Variants in TNR observed in about 807,000 individuals in gnomAD.
TNR encodes the protein tenascin R, also known as tenascin-R.
TNR carries 45 observed loss-of-function variants against 150.4 expected under a neutral mutation model. The observed-to-expected ratio is 0.30, with a 90% CI of 0.24 to 0.38. The LOEUF (loss-of-function observed/expected upper bound fraction) is 0.38, where lower values mean the gene tolerates loss of function less well. Ranked by LOEUF, TNR falls within the 10% of genes least tolerant of loss-of-function variation. The pLI is 1.00. For missense variants in TNR, 1,544 were observed against 1,759.1 expected (o/e 0.88, Z 2.19); for synonymous variants, 687 against 678.4 (o/e 1.01, Z -0.20).
chr1:175,362,078 G>T (rs963645086), intron 14 of TNR, among the ~76,000 whole-genome samples: 1 of 152,212 alleles, frequency 6.6e-6, no homozygotes, highest in African/African-American at 2.4e-5. Flanking sequence ...TGACTAGGGG[G>T]CCTGTCAGAG....
At chr1:175,634,229 G>A (rs992652281) in intron 1 of TNR, among the ~76,000 whole-genome samples, 1 of 152,164 alleles carries the variant, frequency 6.6e-6, no homozygotes, top group Admixed American at 6.5e-5. Context: ...CAGTTCCCCT[G>A]AATGATTGTC....
chr1:175,473,859 T>C (rs1657406710), intron 2 of TNR, among the ~76,000 whole-genome samples: 1 of 152,168 alleles, frequency 6.6e-6, no homozygotes, highest in Non-Finnish European at 1.5e-5. Flanking sequence ...GTCAGGTCTT[T>C]GTAATAAAAA....
chr1:175,515,830 A>C (rs188457524), intron 2 of TNR, among the ~76,000 whole-genome samples: 353 of 152,298 alleles, frequency 2.3e-3, no homozygotes, highest in Non-Finnish European at 3.9e-3. Context: ...CTTTTTAAGG[A>C]AAGACTCACC....
At chr1:175,589,535 G>T (rs1328242072) in intron 1 of TNR, among the ~76,000 whole-genome samples, 1 of 152,014 alleles carries the variant, frequency 6.6e-6, no homozygotes, top group Admixed American at 6.6e-5. Flanking sequence ...AAAAATTAAT[G>T]CAAAAAGTAT....
chr1:175,338,992 A>G (rs2101993263), intron 18 of TNR, among the ~76,000 whole-genome samples: 1 of 152,384 alleles, frequency 6.6e-6, no homozygotes, highest in African/African-American at 2.4e-5. Context: ...TGCCTACTGC[A>G]GGCATGGTTA....
Position 175,330,231 on chromosome 1 carries a change from C to T in TNR, c.3636G>A (p.Leu1212=). Residue 1212 remains leucine, a synonymous_variant, in exon 21 of 23, where the codon CTG becomes CTA. Transcript: ENST00000367674. ...GGGATGTGATCCTGTGTATATTGTC[C>T]AGCCCTGTGGAGAAGAGCAGAAAAT... ...GNVEDEFWLG[L]DNIHRITSQG... is the part of the protein sequence containing the mutation. The T allele has an allele frequency of 6.4e-7, 1 of 1,568,350 alleles. No individual in the cohort carries two copies.
chr1:175,478,485 C>T lies in TNR; in HGVS notation c.-64+49784G>A, dbSNP rs560175847. Among the ~76,000 whole-genome samples, 5 of 152,278 alleles carry T rather than the reference C, an allele frequency of 3.3e-5. No individual in the cohort carries two copies. In the South Asian group the frequency reaches 1.0e-3, roughly 32 times the overall value. On this transcript the variant is annotated intron_variant, in intron 2 of 22. Transcript: ENST00000367674. ...TCTGTCTGATTATGTGCTTTGTAAACATTCAATCACCTTTGAGGTGTGGTT... is the reference window on the plus strand; with the variant it reads ...TCTGTCTGATTATGTGCTTTGTAAATATTCAATCACCTTTGAGGTGTGGTT...
Position 175,353,885 on chromosome 1 carries a change from A to G in TNR, c.3382+506T>C, listed in dbSNP as rs533296342. On this transcript the variant is annotated intron_variant, in intron 18 of 22. Coordinates refer to ENST00000367674, the MANE Select transcript of TNR (RefSeq NM_003285.3). ...TTTTGAGACGGAGTCTCACTTTTTC[A>G]CCCAGGCTGGAGTACAGTGGCACGA... 4.1e-3 allele frequency among the ~76,000 whole-genome samples: 612 copies of G among 148,100 alleles called. 2 individuals are homozygous for G. Among genetic ancestry groups the G allele is most frequent in the African/African-American group, 0.015 (600 of 39,812 alleles).
At chr1:175,477,180 T>C (rs181720198) in intron 2 of TNR, among the ~76,000 whole-genome samples, 1 of 152,330 alleles carries the variant, frequency 6.6e-6, no homozygotes, top group East Asian at 1.9e-4. Context: ...TTATTATGCA[T>C]ATAATATATA....
intron 2 of TNR, among the ~76,000 whole-genome samples, chr1:175,520,258 T>C (rs1659580480): frequency 6.6e-6 from 1 of 152,208 alleles, no homozygotes; most frequent in Admixed American, 6.5e-5. Flanking sequence ...TGGTATCAGA[T>C]GAACAGAGTT....
intron 2 of TNR, among the ~76,000 whole-genome samples, chr1:175,440,252 A>G (rs1655720617): frequency 6.6e-6 from 1 of 152,082 alleles, no homozygotes; most frequent in Non-Finnish European, 1.5e-5. Context: ...GGAAACCATC[A>G]TTCTCAGCAA....
At chr1:175,457,050 A>T (rs1456375068) in intron 2 of TNR, among the ~76,000 whole-genome samples, 1 of 152,324 alleles carries the variant, frequency 6.6e-6, no homozygotes, top group South Asian at 2.1e-4. Context: ...CGGGTAGATA[A>T]ATTGTCAGCA....
rs113707204 is a variant in TNR, at chr1:175,589,125, G to T, written c.-164-60756C>A. The stretch of plus-strand genomic sequence containing the variant: ...TGTACATTGACCAACTAGGATTGAG[G>T]AGGGGAAGGGGGGCACTCTCTCTTG... On this transcript the variant is annotated intron_variant, in intron 1 of 22. Transcript: ENST00000367674. 9.2e-3 allele frequency among the ~76,000 whole-genome samples: 1,400 copies of T among 152,206 alleles called. 25 individuals carry two copies. The highest frequency in any genetic ancestry group is 0.031 in the African/African-American group (1,277 of 41,530).
At chr1:175,390,638 AAAT>A (rs1283593149) in intron 7 of TNR, among the ~76,000 whole-genome samples, 1 of 152,228 alleles carries the variant, frequency 6.6e-6, no homozygotes, top group African/African-American at 2.4e-5. Flanking sequence ...CTGTGGGATG[AAAT>A]AATAATAGAC....
At chr1:175,392,104 A>T (rs1447080341) in intron 6 of TNR, among the ~76,000 whole-genome samples, 1 of 152,222 alleles carries the variant, frequency 6.6e-6, no homozygotes, top group Non-Finnish European at 1.5e-5. Flanking sequence ...AATACAAAGA[A>T]GAGAAGAAGG....
chr1:175,484,169 C>T (rs1014338775), intron 2 of TNR, among the ~76,000 whole-genome samples: 1 of 152,170 alleles, frequency 6.6e-6, no homozygotes, highest in Non-Finnish European at 1.5e-5. Flanking sequence ...CCTCTCATGC[C>T]TTTATTTACT....
At chr1:175,461,027 A>T (rs146477259) in intron 2 of TNR, among the ~76,000 whole-genome samples, 3 of 152,360 alleles carry the variant, frequency 2.0e-5, no homozygotes, top group African/African-American at 7.2e-5. Flanking sequence ...CTGAAGCCAG[A>T]AGGGCATTCC....
At chr1:175,701,491 G>A (rs1666694972) in intron 1 of TNR, among the ~76,000 whole-genome samples, 1 of 152,218 alleles carries the variant, frequency 6.6e-6, no homozygotes, top group Admixed American at 6.5e-5. Context: ...CCAGCTGACT[G>A]GCGTGGTCCA....
At chr1:175,387,987 G>T (rs1043180845) in intron 7 of TNR, among the ~76,000 whole-genome samples, 1 of 152,204 alleles carries the variant, frequency 6.6e-6, no homozygotes, top group Non-Finnish European at 1.5e-5. Flanking sequence ...ATGAAGTCCT[G>T]GTTTTCATAT....
Sources: gnomAD v4.1 joint callset for allele counts (sites outside exome capture counted in the v4.1 genomes callset) on GRCh38, gnomAD v4.1.1 for gene constraint, MANE v1.5 for transcripts, NCBI Gene and HGNC (gene_info 2026-07-23, HGNC 2026-07-21) for gene names.